ITGA3: variants seen among roughly 807,000 people sequenced by gnomAD.
ITGA3 encodes integrin subunit alpha 3, also known as integrin alpha-3.
A neutral mutation model predicts 131.1 loss-of-function variants in ITGA3; 70 were observed. The observed-to-expected ratio is 0.53, with a 90% CI of 0.44 to 0.65. ITGA3 has a LOEUF of 0.65. Among genes scored for constraint, ITGA3 ranks in the 30% least tolerant of loss-of-function variants. ITGA3 has a pLI of 0.00. For missense variants in ITGA3, 1,098 were observed against 1,388.6 expected, an observed-to-expected ratio of 0.79 and a Z score of 3.33; for synonymous variants, 537 against 571.6, an observed-to-expected ratio of 0.94 and a Z score of 0.86.
chr17:50,081,259 G>A (rs557993614), intron 22 of ITGA3, 51 bp from the exon 23 acceptor site: 11 of 1,206,264 alleles, frequency 9.1e-6, no homozygotes, highest in Admixed American at 4.0e-5. Context: ...TCGGAGGTAG[G>A]CTCAGAGAAG....
chr17:50,061,500 G>A (rs1908074557), intron 1 of ITGA3, among the ~76,000 whole-genome samples: 1 of 150,546 alleles, frequency 6.6e-6, no homozygotes, highest in South Asian at 2.1e-4. Flanking sequence ...CCAAGGCCCG[G>A]CCTCCCACTG....
chr17:50,063,964 C>A, intron 1 of ITGA3, 113 bp from the exon 2 acceptor site: 1 of 1,414,084 alleles, frequency 7.1e-7, no homozygotes, highest in Non-Finnish European at 9.5e-7. Context: ...AGGGCAGGAG[C>A]TGGGGGTCTC....
At position 50,088,326 on chromosome 17, in the gene ITGA3, C is replaced by T. The variant is rs773168436; in HGVS notation, c.3147C>T (p.Asp1049=). Residue 1049 remains aspartate, a synonymous_variant, in exon 25 of 26, where the codon GAC becomes GAT. Transcript: ENST00000320031. ...CGTCAGAGACAGAGAGGCTGACCGA[C>T]GACTACTGAGGGGGCAGCCCCCCGC... The part of the protein sequence containing the change: ...SQPSETERLT[D]DY 28 of 1,574,468 alleles carry T rather than the reference C, an allele frequency of 1.8e-5. No homozygotes were observed. Among genetic ancestry groups the T allele is most frequent in the East Asian group, 1.6e-4 (7 of 42,946 alleles).
At chr17:50,060,232 T>G (rs1908014727) in intron 1 of ITGA3, among the ~76,000 whole-genome samples, 1 of 152,212 alleles carries the variant, frequency 6.6e-6, no homozygotes, top group South Asian at 2.1e-4. Flanking sequence ...CCTGCCATGT[T>G]GGCCTGAGTG....
Position 50,056,713 on chromosome 17 carries a change from C to A in ITGA3, c.206+68C>A. The stretch of plus-strand genomic sequence containing the variant: ...GCGAGCGCGGGATGCGGGTCCGGAG[C>A]TGAGTCGGAGCCCAGGGCAGCTGGC... On this transcript the variant is annotated intron_variant, in intron 1 of 25. Coordinates refer to ENST00000320031, the MANE Select transcript of ITGA3 (RefSeq NM_002204.4). The surrounding 1 kb of genome is among the most constrained non-coding windows in gnomAD (Gnocchi z 5.6). 6.8e-7 allele frequency: 1 copy of A among 1,478,670 alleles called. No individual in the cohort carries two copies. Among genetic ancestry groups the A allele is most frequent in the South Asian group, 1.3e-5 (1 of 78,400 alleles). 91.6% of individuals were successfully genotyped at this position (1,478,670 alleles called of 1,614,324 possible).
In ITGA3 at chr17:50,068,277, C is replaced by A; in HGVS notation, c.636C>A (p.Phe212Leu). Residue 212 changes from phenylalanine (F) to leucine (L), a missense_variant, in exon 4 of 26, where the codon TTC becomes TTA. By Grantham distance (22) the Phe-to-Leu change is conservative (BLOSUM62 0). This residue lies in a region of ITGA3 where 356 missense variants were observed against 529.2 expected (regional missense o/e 0.67). Transcript: ENST00000320031. ...GCTTCACCCAGAACACTGTGTACTT[C>A]GGCGCCCCCGGTGCCTACAACTGGA... The part of the protein sequence containing the change: ...SGGFTQNTVY[F>L]GAPGAYNWKG... 6.2e-7 allele frequency: 1 copy of A among 1,613,482 alleles called. No individual in the cohort carries two copies. The highest frequency in any genetic ancestry group is 1.7e-5 in the Admixed American group (1 of 60,010).
At chr17:50,082,345 A>C (rs193137568) in intron 23 of ITGA3, among the ~76,000 whole-genome samples, 1 of 152,058 alleles carries the variant, frequency 6.6e-6, no homozygotes, top group South Asian at 2.1e-4. Flanking sequence ...CGCCCGGCTA[A>C]TTTTTGTATT....
chr17:50,080,223 T>G (rs925137073), intron 21 of ITGA3, 39 bp from the exon 22 acceptor site: 1 of 1,240,028 alleles, frequency 8.1e-7, no homozygotes, highest in Non-Finnish European at 1.2e-6. Flanking sequence ...ATCTGGAGAC[T>G]CAGACTATGT....
chr17:50,071,574 T>C, intron 6 of ITGA3, 56 bp downstream of exon 6: 1 of 1,475,922 alleles, frequency 6.8e-7, no homozygotes, highest in Non-Finnish European at 9.2e-7. Flanking sequence ...GGGGGAAGGC[T>C]TACCTAAGCC....
chr17:50,068,562 A>AG (rs1908446348), intron 4 of ITGA3, among the ~76,000 whole-genome samples: 3 of 147,564 alleles, frequency 2.0e-5, no homozygotes, highest in Admixed American at 6.7e-5. Context: ...GTGCAGTGGC[A>AG]CATTCATGGC....
rs1908890537 is a variant in ITGA3 at position 50,076,349 on chromosome 17, C to A, written c.1698C>A (p.Arg566=). The change falls in exon 13 of 26, where the codon CGC becomes CGA. Residue 566 remains arginine (R), a synonymous_variant. Transcript: ENST00000320031. ...LLMDNLRDKL[R]PIIISMNYSL... ...AGGACAACCTCCGTGACAAACTCCG[C>A]CCCATCATCATCTCCATGAACTACT... is the stretch of plus-strand genomic sequence containing the variant. 1 of 1,613,800 alleles carries A rather than the reference C, an allele frequency of 6.2e-7. No individual in the cohort carries two copies. The highest frequency in any genetic ancestry group is 1.3e-5 in the African/African-American group (1 of 75,036).
At chr17:50,068,815 T>A (rs28552650) in intron 4 of ITGA3, among the ~76,000 whole-genome samples, 24,875 of 63,848 alleles carry the variant, frequency 0.39, 2,741 homozygotes, top group Admixed American at 0.51. Context: ...ATCAGTCTTT[T>A]TTATTTATTT....
rs777779321 is a variant in ITGA3 at position 50,075,505 on chromosome 17, C to A, written c.1516C>A (p.Pro506Thr). The A allele has an allele frequency of 3.7e-6, 6 of 1,614,244 alleles. No homozygotes were observed. The South Asian group carries it at 6.6e-5, about 18-fold the overall frequency. ...TGCTTACAACCAGAGTGCCGGGAAC[C>A]CCAACTACAGGCGAAACATCAGTGA... Reference protein sequence around the residue: ...CFAYNQSAGNPNYRRNITLAY... With the variant: ...CFAYNQSAGNTNYRRNITLAY... The change falls in exon 11 of 26, where the codon CCC becomes ACC. Residue 506 changes from proline (P) to threonine (T), a missense_variant. Around this residue, in one of 3 missense-constraint regions of ITGA3, gnomAD observed 699 missense variants for 829.2 expected, o/e 0.84. Transcript: ENST00000320031.
At chr17:50,076,210 C>A in intron 12 of ITGA3, 116 bp from the exon 13 acceptor site, 1 of 1,201,084 alleles carries the variant, frequency 8.3e-7, no homozygotes, top group Non-Finnish European at 1.2e-6. Context: ...GCCTAACTGT[C>A]AGGTTTTCAG....
intron 22 of ITGA3, 133 bp from the exon 23 acceptor site, chr17:50,081,177 C>A: frequency 1.6e-6 from 1 of 609,926 alleles, no homozygotes. Flanking sequence ...GGAGGCCTGG[C>A]TGACAGATCC....
chr17:50,066,280 G>A (rs1345186490), intron 3 of ITGA3, among the ~76,000 whole-genome samples: 3 of 148,918 alleles, frequency 2.0e-5, no homozygotes, highest in East Asian at 4.0e-4. Flanking sequence ...GATTTCAGGC[G>A]TGAGCCACCG....
At chr17:50,085,842 T>C (rs1332698309) in intron 23 of ITGA3, among the ~76,000 whole-genome samples, 16 of 73,988 alleles carry the variant, frequency 2.2e-4, no homozygotes, top group African/African-American at 6.0e-4. Flanking sequence ...TTATACATTA[T>C]AGATTTATAA....
In ITGA3 at chr17:50,064,302, C is replaced by T. The variant is rs114220123; in HGVS notation, c.334+98C>T. 3,335 of 1,449,870 alleles carry T rather than the reference C, an allele frequency of 2.3e-3. 70 individuals carry two copies. The African/African-American group carries it at 0.04, about 17-fold the overall frequency. 89.8% of individuals were successfully genotyped at this position (1,449,870 alleles called of 1,614,324 possible). Reference sequence around the variant, plus strand: ...GGAGGAGATAGAAGGCTTGTTCACACGGCTTCTAGTCGCTTCTTGTCCAGC... The same window carrying T: ...GGAGGAGATAGAAGGCTTGTTCACATGGCTTCTAGTCGCTTCTTGTCCAGC... On this transcript the variant is annotated intron_variant, in intron 2 of 25. Coordinates refer to ENST00000320031, the MANE Select transcript of ITGA3 (RefSeq NM_002204.4). The surrounding 1 kb of genome is among the most constrained non-coding windows in gnomAD (Gnocchi z 4.4).
intron 23 of ITGA3, chr17:50,087,504 A>C: frequency 2.2e-6 from 1 of 454,344 alleles, no homozygotes; most frequent in Non-Finnish European, 4.0e-6. Flanking sequence ...ACACACCCAG[A>C]CTCCAGGCCA....
Sources: gnomAD v4.1 joint callset for allele counts (sites outside exome capture counted in the v4.1 genomes callset) on GRCh38, gnomAD v4.1.1 for gene constraint, gnomAD v4.1.1 regional missense constraint, Gnocchi (gnomAD v3.1) non-coding constraint, MANE v1.5 for transcripts, NCBI Gene and HGNC (gene_info 2026-07-23, HGNC 2026-07-21) for gene names.